The following LMX1B variants were observed in gnomAD, a reference collection of about 807,000 sequenced individuals.
The protein encoded by LMX1B is LIM homeobox transcription factor 1 beta.
In LMX1B, 12 loss-of-function variants were observed where a neutral mutation model predicts 51.4. The ratio of observed to expected loss-of-function variants is 0.23; its 90% CI spans 0.15 to 0.38. LMX1B has a LOEUF of 0.38. LMX1B is among the 10% of genes least tolerant of loss of function. The pLI, the probability that LMX1B is intolerant of heterozygous loss-of-function variation, is 1.00. For missense variants in LMX1B, 445 were observed against 571.1 expected, an observed-to-expected ratio of 0.78 and a Z score of 2.25; for synonymous variants, 237 against 235.4, an observed-to-expected ratio of 1.01 and a Z score of -0.06.
At position 126,614,536 on chromosome 9, in the gene LMX1B, G is replaced by C; in HGVS notation, c.87G>C (p.Lys29Asn). 1.9e-6 allele frequency: 3 copies of C among 1,606,224 alleles called. No homozygotes were observed. The highest frequency in any genetic ancestry group is 2.5e-6 in the Non-Finnish European group (3 of 1,177,160). ...TDCAKMLDGI[K>N]MEEHALRPGP... ...GCGCCAAGATGTTGGACGGCATCAA[G>C]ATGGAGGAGCACGCCCTGCGCCCCG... Residue 29 changes from lysine (K) to asparagine (N), a missense_variant, in exon 1 of 8, where the codon AAG (lysine) becomes AAC (asparagine). This residue lies in a region of LMX1B where 273 missense variants were observed against 343.3 expected (regional missense o/e 0.80). Coordinates refer to ENST00000373474, the MANE Select transcript of LMX1B (RefSeq NM_001174147.2).
At position 126,700,316 on chromosome 9, in the gene LMX1B, G is replaced by A. The variant is rs10987420; in HGVS notation, c.*3865G>A. The A allele has an allele frequency of 0.094, 14,284 of 152,232 alleles. 987 individuals carry two copies. Among genetic ancestry groups the A allele is most frequent in the East Asian group, 0.23 (1,202 of 5,146 alleles). 9.4% of individuals were successfully genotyped at this position (152,232 alleles called of 1,614,324 possible). ...GTAAAGGTGGGAAGGCCCTGGCGCT[G>A]CATCAGATGAGCAGGGCCTGGCAGG... On this transcript the variant is annotated 3_prime_UTR_variant, in exon 8 of 8. Coordinates refer to ENST00000373474, the MANE Select transcript of LMX1B (RefSeq NM_001174147.2).
At chr9:126,650,717 G>A (rs116164540) in intron 2 of LMX1B, among the ~76,000 whole-genome samples, 2 of 152,320 alleles carry the variant, frequency 1.3e-5, no homozygotes, top group South Asian at 2.1e-4. Context: ...GCAGGAGCCC[G>A]CTAGGAGCCT....
chr9:126,672,398 C>T (rs1836475032), intron 2 of LMX1B, among the ~76,000 whole-genome samples: 1 of 152,252 alleles, frequency 6.6e-6, no homozygotes, highest in South Asian at 2.1e-4. Flanking sequence ...GAGAGCTGTC[C>T]TTGGCGGGAC....
chr9:126,623,368 C>T (rs1484070739), intron 2 of LMX1B, among the ~76,000 whole-genome samples: 1 of 151,660 alleles, frequency 6.6e-6, no homozygotes, highest in Admixed American at 6.6e-5. Flanking sequence ...AGGAGCAGCG[C>T]CTTACTGAAC....
At chr9:126,663,106 G>C (rs1426995546) in intron 2 of LMX1B, among the ~76,000 whole-genome samples, 1 of 152,152 alleles carries the variant, frequency 6.6e-6, no homozygotes, top group Non-Finnish European at 1.5e-5. Flanking sequence ...TCTGAGCCTT[G>C]TTGACCTCAG....
At chr9:126,645,053 C>T (rs1835875210) in intron 2 of LMX1B, among the ~76,000 whole-genome samples, 1 of 152,192 alleles carries the variant, frequency 6.6e-6, no homozygotes, top group African/African-American at 2.4e-5. Context: ...GCGGCATAGG[C>T]GTCCTGCCAC....
chr9:126,643,721 A>G (rs1419399815), intron 2 of LMX1B, among the ~76,000 whole-genome samples: 1 of 152,202 alleles, frequency 6.6e-6, no homozygotes, highest in Non-Finnish European at 1.5e-5. Flanking sequence ...ACAGGGCCAC[A>G]GGGTGTGTCC....
At chr9:126,679,992 C>A (rs1836643976) in intron 2 of LMX1B, among the ~76,000 whole-genome samples, 1 of 152,258 alleles carries the variant, frequency 6.6e-6, no homozygotes, top group Non-Finnish European at 1.5e-5. Flanking sequence ...AGCCCCCACC[C>A]CTTACTGGGC....
chr9:126,618,888 G>T lies in LMX1B; in HGVS notation c.326+3319G>T, dbSNP rs1174322489. Among the ~76,000 whole-genome samples, 1 of 152,106 alleles carries T rather than the reference G, an allele frequency of 6.6e-6. No individual in the cohort carries two copies. Among genetic ancestry groups the T allele is most frequent in the African/African-American group, 2.4e-5 (1 of 41,424 alleles). On this transcript the variant is annotated intron_variant, in intron 2 of 7. Coordinates refer to ENST00000373474, the MANE Select transcript of LMX1B (RefSeq NM_001174147.2). The surrounding 1 kb of genome is among the most constrained non-coding windows in gnomAD (Gnocchi z 4.5). Reference sequence around the variant, plus strand: ...TCCCAGGTTTGGCGACCCGAGACCCGCTGGGGTGCAAGCGGGCGCCTTTGT... The same window carrying T: ...TCCCAGGTTTGGCGACCCGAGACCCTCTGGGGTGCAAGCGGGCGCCTTTGT...
intron 2 of LMX1B, among the ~76,000 whole-genome samples, chr9:126,643,433 C>G (rs1196415193): frequency 1.3e-5 from 2 of 152,258 alleles, no homozygotes; most frequent in Middle Eastern, 3.4e-3. Context: ...ACTGTGAGTC[C>G]TTGGGCAACT....
At chr9:126,659,839 T>C (rs1427474682) in intron 2 of LMX1B, among the ~76,000 whole-genome samples, 2 of 152,080 alleles carry the variant, frequency 1.3e-5, no homozygotes, top group Non-Finnish European at 2.9e-5. Context: ...TTGGAGATTG[T>C]CCTGTGTGGG....
chr9:126,632,031 G>A (rs1344519336), intron 2 of LMX1B, among the ~76,000 whole-genome samples: 1 of 152,202 alleles, frequency 6.6e-6, no homozygotes, highest in Non-Finnish European at 1.5e-5. Flanking sequence ...AGGGTCTAGA[G>A]CTGGGCTGGA....
At chr9:126,644,181 C>T (rs572687424) in intron 2 of LMX1B, among the ~76,000 whole-genome samples, 13 of 152,282 alleles carry the variant, frequency 8.5e-5, no homozygotes, top group African/African-American at 2.9e-4. Context: ...GTGCCCCCAC[C>T]GGGGGGTATC....
At chr9:126,638,666 A>G (rs1835757032) in intron 2 of LMX1B, among the ~76,000 whole-genome samples, 1 of 151,650 alleles carries the variant, frequency 6.6e-6, no homozygotes, top group Non-Finnish European at 1.5e-5. Context: ...GCTCAGAAAG[A>G]CCTCGGGGCG....
At chr9:126,621,216 C>CATG (rs1835404857) in intron 2 of LMX1B, among the ~76,000 whole-genome samples, 1 of 152,214 alleles carries the variant, frequency 6.6e-6, no homozygotes, top group Non-Finnish European at 1.5e-5. Flanking sequence ...ACACCACAGT[C>CATG]AAGCCTCAGC....
At position 126,615,402 on chromosome 9, in the gene LMX1B, C is replaced by T; in HGVS notation, c.159C>T (p.Pro53=). 2 of 1,603,438 alleles carry T rather than the reference C, an allele frequency of 1.2e-6. No homozygotes were observed. ...GVLLGSDCPH[P]AVCEGCQRPI... is the part of the protein sequence containing the mutation. ...CTACAGGCTCCGACTGCCCGCATCC[C>T]GCCGTCTGCGAGGGCTGCCAGCGGC... The change falls in exon 2 of 8, where the codon CCC becomes CCT. Residue 53 remains proline (P), a synonymous_variant. Coordinates refer to ENST00000373474, the MANE Select transcript of LMX1B (RefSeq NM_001174147.2). The surrounding 1 kb of genome is among the most constrained non-coding windows in gnomAD (Gnocchi z 6.0).
chr9:126,621,432 C>T (rs1835407497), intron 2 of LMX1B, among the ~76,000 whole-genome samples: 1 of 152,180 alleles, frequency 6.6e-6, no homozygotes, highest in Admixed American at 6.5e-5. Flanking sequence ...CCACTGCAGT[C>T]AGAAGTGGAG....
chr9:126,646,331 C>T (rs1771731265), intron 2 of LMX1B, among the ~76,000 whole-genome samples: 1 of 102,096 alleles, frequency 9.8e-6, no homozygotes, highest in Non-Finnish European at 1.8e-5. Flanking sequence ...CATCCATCTA[C>T]CTACCCATCC....
In LMX1B at chr9:126,614,395, C is replaced by T. The variant is rs1236310933; in HGVS notation, c.-55C>T. ...GCCGCGGCGGCGGAGAGCGGGTGGA[C>T]GGGCCGGCGGGCGAGCAGCCCGGCC... is the stretch of plus-strand genomic sequence containing the variant. On this transcript the variant is annotated 5_prime_UTR_variant, in exon 1 of 8. In the 5' UTR this introduces an upstream ATG that the reference lacks. Transcript: ENST00000373474. 5 of 1,304,620 alleles carry T rather than the reference C, an allele frequency of 3.8e-6. No individual in the cohort carries two copies. Among genetic ancestry groups the T allele is most frequent in the South Asian group, 2.1e-5 (1 of 47,134 alleles). The allele number at this position is 1,304,620 out of a possible 1,614,324, so 80.8% of individuals were successfully genotyped here. A position where few individuals can be genotyped will look rare whatever the true frequency, so the allele number is the denominator to read the frequency against.
Sources: allele counts gnomAD v4.1 joint callset (sites outside exome capture counted in the v4.1 genomes callset), GRCh38; gene constraint gnomAD v4.1.1; regional missense constraint gnomAD v4.1.1; non-coding constraint Gnocchi (gnomAD v3.1); transcripts MANE v1.5; gene names NCBI Gene and HGNC (gene_info 2026-07-23, HGNC 2026-07-21).